PNPT1: variants seen among roughly 807,000 people sequenced by gnomAD.
PNPT1 encodes the protein polyribonucleotide nucleotidyltransferase 1, mitochondrial.
In PNPT1, 53 loss-of-function variants were observed where a neutral mutation model predicts 119.5. The observed-to-expected ratio is 0.44, with a 90% confidence interval of 0.36 to 0.56. PNPT1 has a LOEUF of 0.56. Ranked by LOEUF, PNPT1 falls within the 20% of genes least tolerant of loss-of-function variation. The pLI, the probability that PNPT1 is intolerant of heterozygous loss-of-function variation, is 0.00. For missense variants in PNPT1, 948 were observed against 938.5 expected (o/e 1.01, Z -0.13); for synonymous variants, 357 against 322.1 (o/e 1.11, Z -1.16).
chr2:55,647,582 T>A, intron 18 of PNPT1, 129 bp from the exon 19 acceptor site: 1 of 581,200 alleles, frequency 1.7e-6, no homozygotes, highest in Non-Finnish European at 2.9e-6. Flanking sequence ...TGCAGTGGCA[T>A]GATCTTGGCT....
intron 25 of PNPT1, 38 bp downstream of exon 25, chr2:55,643,120 A>C (rs769857513): frequency 1.1e-5 from 18 of 1,605,936 alleles, no homozygotes; most frequent in Non-Finnish European, 1.4e-5. Flanking sequence ...TCTCTAAAGA[A>C]AGGAAAATGC....
intron 23 of PNPT1, among the ~76,000 whole-genome samples, chr2:55,643,627 C>G (rs138428747): frequency 5.5e-4 from 84 of 152,018 alleles, no homozygotes; most frequent in African/African-American, 2.0e-3. Context: ...CATGTGCCCA[C>G]CTACTTGGGA....
intron 27 of PNPT1, among the ~76,000 whole-genome samples, 197 bp from the exon 28 acceptor site, chr2:55,636,589 G>T (rs768503901): frequency 1.3e-4 from 20 of 152,134 alleles, no homozygotes; most frequent in Non-Finnish European, 2.2e-4. Flanking sequence ...AAGAGACGGG[G>T]CAGTTAGTTG....
chr2:55,661,764 C>T (rs1007129483), intron 14 of PNPT1, among the ~76,000 whole-genome samples, 192 bp downstream of exon 14: 10 of 152,060 alleles, frequency 6.6e-5, no homozygotes, highest in African/African-American at 2.2e-4. Flanking sequence ...AATATTTGTT[C>T]CAAATCAGTG....
At chr2:55,646,372 T>C in intron 20 of PNPT1, 43 bp downstream of exon 20, 1 of 1,603,616 alleles carries the variant, frequency 6.2e-7, no homozygotes, top group Non-Finnish European at 8.5e-7. Flanking sequence ...CATGGCATTA[T>C]TTAAATGTTA....
chr2:55,681,647 C>T (rs1697252248), intron 5 of PNPT1, among the ~76,000 whole-genome samples: 1 of 150,972 alleles, frequency 6.6e-6, no homozygotes, highest in Non-Finnish European at 1.5e-5. Flanking sequence ...GAGTTCAAGA[C>T]CAGCCTGGCC....
chr2:55,647,277 T>TA, intron 19 of PNPT1, 70 bp downstream of exon 19: 10 of 1,279,736 alleles, frequency 7.8e-6, no homozygotes, highest in Non-Finnish European at 9.8e-6. Context: ...TATTTGTTTT[T>TA]ATCTTTTAAT....
chr2:55,651,387 G>T (rs2104054572), intron 18 of PNPT1, among the ~76,000 whole-genome samples: 1 of 152,232 alleles, frequency 6.6e-6, no homozygotes, highest in African/African-American at 2.4e-5. Context: ...TGTCTGTGTA[G>T]AAAGAGGTAG....
chr2:55,686,234 A>C (rs1697402263), intron 3 of PNPT1, 136 bp downstream of exon 3: 8 of 680,624 alleles, frequency 1.2e-5, no homozygotes, highest in South Asian at 4.2e-5. Context: ...TTAATGAATC[A>C]GTATCAAAAA....
rs758995857 is a variant in PNPT1 at position 55,672,044 on chromosome 2, A to T, written c.869T>A (p.Leu290His). The T allele has an allele frequency of 1.3e-5, 20 of 1,592,042 alleles. No individual in the cohort carries two copies. Among genetic ancestry groups the T allele is most frequent in the Non-Finnish European group, 1.6e-5 (19 of 1,168,998 alleles). The change falls in exon 10 of 28, where the codon CTT becomes CAT. Residue 290 changes from leucine to histidine, a missense_variant and splice_region_variant. Leu to His is a moderately conservative substitution (Grantham distance 99, BLOSUM62 -3). Transcript: ENST00000447944. ...AACTGCATAGAGTCTCTCCATAGCAAGTCTATTTAAGCAGAAAATAAATGT... is the reference window on the plus strand; with the variant it reads ...AACTGCATAGAGTCTCTCCATAGCATGTCTATTTAAGCAGAAAATAAATGT... ...SPEIVKYTHK[L>H]AMERLYAVFT...
Position 55,673,000 on chromosome 2 carries a change from T to C in PNPT1, c.759A>G (p.Gln253=), listed in dbSNP as rs1021659426. The change falls in exon 9 of 28, where the codon CAA becomes CAG. Residue 253 remains glutamine, a synonymous_variant. Coordinates refer to ENST00000447944, the MANE Select transcript of PNPT1 (RefSeq NM_033109.5). Reference sequence around the variant, plus strand: ...ACTGCTGAATGCCCTGAATTATTTGTTGGGTATATTTCACTCCCACTTTGA... The same window carrying C: ...ACTGCTGAATGCCCTGAATTATTTGCTGGGTATATTTCACTCCCACTTTGA... ...HAIKVGVKYT[Q]QIIQGIQQLV... The C allele has an allele frequency of 1.2e-6, 2 of 1,613,342 alleles. No homozygotes were observed. The highest frequency in any genetic ancestry group is 1.7e-6 in the Non-Finnish European group (2 of 1,179,926).
intron 27 of PNPT1, 116 bp from the exon 28 acceptor site, chr2:55,636,508 A>G (rs898809311): frequency 2.7e-6 from 3 of 1,116,250 alleles, no homozygotes; most frequent in South Asian, 3.1e-5. Context: ...TTACTTGTTC[A>G]CTGAAAGCAT....
chr2:55,662,174 C>T (rs1161654201), intron 13 of PNPT1, 148 bp from the exon 14 acceptor site: 29 of 574,948 alleles, frequency 5.0e-5, no homozygotes, highest in Non-Finnish European at 8.2e-5. Context: ...GCATTAAACA[C>T]TTATTTATTC....
intron 12 of PNPT1, 104 bp downstream of exon 12, chr2:55,667,758 G>T (rs1244118454): frequency 3.6e-6 from 5 of 1,388,788 alleles, no homozygotes; most frequent in East Asian, 2.6e-5. Context: ...ATTCTTTACT[G>T]TTCACTTGAA....
Position 55,637,535 on chromosome 2 carries a change from A to G in PNPT1, c.2196+17T>C. The G allele has an allele frequency of 6.3e-7, 1 of 1,583,788 alleles. No individual in the cohort carries two copies. Among genetic ancestry groups the G allele is most frequent in the Non-Finnish European group, 8.7e-7 (1 of 1,152,762 alleles). ...AACAATTTACAACTTCAAGGCTAAA[A>G]GGTGGAATACAAATACCTGAATTTC... On this transcript the variant is annotated intron_variant, in intron 27 of 27. Coordinates refer to ENST00000447944, the MANE Select transcript of PNPT1 (RefSeq NM_033109.5).
chr2:55,666,520 T>A (rs915441582), intron 13 of PNPT1, among the ~76,000 whole-genome samples: 1 of 151,918 alleles, frequency 6.6e-6, no homozygotes. Flanking sequence ...CAATTATACC[T>A]CAAAAAAACT....
rs184627223 is a variant in PNPT1 at position 55,656,874 on chromosome 2, A to G, written c.1285-503T>C. Among the ~76,000 whole-genome samples the G allele has an allele frequency of 2.8e-4, 43 of 152,358 alleles. 1 individual carries two copies. The highest frequency in any genetic ancestry group is 8.2e-4 in the African/African-American group (34 of 41,592). On this transcript the variant is annotated intron_variant, in intron 15 of 27. Coordinates refer to ENST00000447944, the MANE Select transcript of PNPT1 (RefSeq NM_033109.5). Reference sequence around the variant, plus strand: ...GTTGCATATTTTGAAGTATTTCTCAAGCAAAACACAATGACAAAAATGTAT... The same window carrying G: ...GTTGCATATTTTGAAGTATTTCTCAGGCAAAACACAATGACAAAAATGTAT...
At chr2:55,684,805 G>T in intron 4 of PNPT1, 138 bp downstream of exon 4, 1 of 1,152,520 alleles carries the variant, frequency 8.7e-7, no homozygotes, top group Non-Finnish European at 1.1e-6. Flanking sequence ...AGTGAGGGAA[G>T]AGAAGGAGTG....
chr2:55,662,789 G>C (rs906376961), intron 13 of PNPT1, among the ~76,000 whole-genome samples: 7 of 152,090 alleles, frequency 4.6e-5, no homozygotes, highest in Admixed American at 4.6e-4. Context: ...AACCTACAAT[G>C]AAACAGGAAA....
Sources: gnomAD v4.1 joint callset for allele counts (sites outside exome capture counted in the v4.1 genomes callset) on GRCh38, gnomAD v4.1.1 for gene constraint, MANE v1.5 for transcripts, NCBI Gene and HGNC (gene_info 2026-07-23, HGNC 2026-07-21) for gene names.